WSCD2: variants seen among roughly 807,000 people sequenced by gnomAD.
WSCD2 encodes the protein sialate:O-sulfotransferase 2.
In WSCD2, 28 loss-of-function variants were observed where a neutral mutation model predicts 55.7. That is an observed-to-expected ratio of 0.50 (90% CI 0.37 to 0.69). The LOEUF is 0.69. Among genes scored for constraint, WSCD2 ranks in the 30% least tolerant of loss-of-function variants. WSCD2 has a pLI of 0.00. For synonymous variants in WSCD2, 301 were observed against 301.9 expected (o/e 1.00, Z 0.03); for missense variants, 616 against 762.1 (o/e 0.81, Z 2.26).
At chr12:108,198,772 G>A (rs1425417280) in intron 2 of WSCD2, among the ~76,000 whole-genome samples, 1 of 152,150 alleles carries the variant, frequency 6.6e-6, no homozygotes, top group East Asian at 1.9e-4. Context: ...TCTAGTGAAT[G>A]ATCATTACAG....
At chr12:108,135,666 T>C (rs1452215354) in intron 1 of WSCD2, among the ~76,000 whole-genome samples, 1 of 152,228 alleles carries the variant, frequency 6.6e-6, no homozygotes, top group Non-Finnish European at 1.5e-5. Context: ...TTTAGGATAC[T>C]GGACTTTCAG....
At chr12:108,224,953 C>T in intron 5 of WSCD2, 93 bp downstream of exon 5, 2 of 1,527,900 alleles carry the variant, frequency 1.3e-6, no homozygotes, top group African/African-American at 1.4e-5. Flanking sequence ...AGCAACAGCT[C>T]AGTCGGGATA....
At chr12:108,144,010 C>T (rs533333683) in intron 1 of WSCD2, among the ~76,000 whole-genome samples, 1 of 152,242 alleles carries the variant, frequency 6.6e-6, no homozygotes, top group East Asian at 1.9e-4. Context: ...CCAGCCCCAG[C>T]CTATTGTTGC....
chr12:108,160,744 T>TACAGC (rs750931339), intron 1 of WSCD2, among the ~76,000 whole-genome samples: 2 of 152,180 alleles, frequency 1.3e-5, no homozygotes, highest in Non-Finnish European at 2.9e-5. Flanking sequence ...TGATAGATAA[T>TACAGC]ACAGCACAAT....
At chr12:108,179,427 A>ATGGGACATATGGACAG (rs1201652391) in intron 1 of WSCD2, among the ~76,000 whole-genome samples, 1 of 152,234 alleles carries the variant, frequency 6.6e-6, no homozygotes, top group Admixed American at 6.5e-5. Context: ...CAGATTCCAT[A>ATGGGACATATGGACAG]TGGGACATAA....
chr12:108,170,445 A>AATG (rs61364167), intron 1 of WSCD2, among the ~76,000 whole-genome samples: 3,055 of 152,054 alleles, frequency 0.02, 124 homozygotes, highest in African/African-American at 0.071. Context: ...TATTGACAAC[A>AATG]ATGATGATGA....
At chr12:108,207,331 G>A (rs1470647614) in intron 3 of WSCD2, among the ~76,000 whole-genome samples, 2 of 151,990 alleles carry the variant, frequency 1.3e-5, no homozygotes, top group African/African-American at 4.8e-5. Context: ...ATGGGCAAGT[G>A]GATGACCCCT....
At chr12:108,201,289 C>T (rs979011295) in intron 2 of WSCD2, among the ~76,000 whole-genome samples, 1 of 152,164 alleles carries the variant, frequency 6.6e-6, no homozygotes, top group African/African-American at 2.4e-5. Flanking sequence ...TGCTTGCAGC[C>T]ACATTACTCC....
Position 108,210,131 on chromosome 12 carries a change from T to A in WSCD2, c.508T>A (p.Tyr170Asn). 1 of 1,614,070 alleles carries A rather than the reference T, an allele frequency of 6.2e-7. No homozygotes were observed. The highest frequency in any genetic ancestry group is 1.1e-5 in the South Asian group (1 of 91,078). ...AGCAGCCTCCCCCAGGGGTTACCTGTATGGCGGGCTGGAGTTCGGCGCCGA... is the reference window on the plus strand; with the variant it reads ...AGCAGCCTCCCCCAGGGGTTACCTGAATGGCGGGCTGGAGTTCGGCGCCGA... ...QDNCAERGYL[Y>N]GGLEFGAECY... Residue 170 changes from tyrosine (Y) to asparagine (N), a missense_variant, in exon 4 of 9, where the codon TAT becomes AAT. Tyr to Asn is a moderately radical substitution (Grantham distance 143, BLOSUM62 -2). Transcript: ENST00000547525. This position sits in a 1 kb window ranked among gnomAD's most constrained non-coding sequence, Gnocchi z 4.3.
intron 1 of WSCD2, among the ~76,000 whole-genome samples, chr12:108,131,309 C>T (rs762435001): frequency 6.6e-5 from 10 of 152,192 alleles, no homozygotes; most frequent in Non-Finnish European, 1.2e-4. Flanking sequence ...CATGTATCCT[C>T]AGAGGTCCCA....
rs537810285 is a variant in WSCD2 at position 108,174,093 on chromosome 12, C to T, written c.-551-21189C>T. On this transcript the variant is annotated intron_variant, in intron 1 of 8. Transcript: ENST00000547525. ...ATCACTGTCCCCACTTGACAGATGA[C>T]AAAACCGAGGCCCAGTCACTTGCCC... is the stretch of plus-strand genomic sequence containing the variant. 7.2e-5 allele frequency among the ~76,000 whole-genome samples: 11 copies of T among 152,164 alleles called. No individual in the cohort carries two copies. In the East Asian group the frequency reaches 1.5e-3, roughly 21 times the overall value.
intron 1 of WSCD2, among the ~76,000 whole-genome samples, chr12:108,145,932 A>G (rs1002149412): frequency 5.3e-5 from 8 of 152,326 alleles, no homozygotes; most frequent in East Asian, 3.9e-4. Flanking sequence ...ACTACATTAT[A>G]GTGTTTAGGG....
chr12:108,201,194 A>G (rs1404921183), intron 2 of WSCD2, among the ~76,000 whole-genome samples: 1 of 152,188 alleles, frequency 6.6e-6, no homozygotes, highest in Non-Finnish European at 1.5e-5. Context: ...TGGCAGGGCC[A>G]TGCACTCTCA....
At chr12:108,228,183 G>A (rs1009172599) in intron 6 of WSCD2, among the ~76,000 whole-genome samples, 1 of 152,158 alleles carries the variant, frequency 6.6e-6, no homozygotes, top group Non-Finnish European at 1.5e-5. Flanking sequence ...CACTTGGATG[G>A]GGATTGGGGG....
rs1886037327 is a variant in WSCD2, at chr12:108,210,681, T to C, written c.682+376T>C. 6.6e-6 allele frequency among the ~76,000 whole-genome samples: 1 copy of C among 152,216 alleles called. No homozygotes were observed. Among genetic ancestry groups the C allele is most frequent in the South Asian group, 2.1e-4 (1 of 4,820 alleles). ...GGTAATGGCAATAGCAAACACTTTGTCCTTTTCTCCATGCCTCATATAGAA... is the reference window on the plus strand; with the variant it reads ...GGTAATGGCAATAGCAAACACTTTGCCCTTTTCTCCATGCCTCATATAGAA... On this transcript the variant is annotated intron_variant, in intron 4 of 8. Transcript: ENST00000547525. The surrounding 1 kb of genome is among the most constrained non-coding windows in gnomAD (Gnocchi z 4.3).
intron 1 of WSCD2, among the ~76,000 whole-genome samples, chr12:108,177,052 G>T (rs1396533123): frequency 1.3e-5 from 2 of 152,054 alleles, no homozygotes; most frequent in Admixed American, 6.5e-5. Context: ...TTATAAGCAC[G>T]AGTTCTGCAA....
chr12:108,173,810 C>CTCTCTGTGTGTGTGTG (rs376999073), intron 1 of WSCD2, among the ~76,000 whole-genome samples: 140 of 131,234 alleles, frequency 1.1e-3, no homozygotes, highest in African/African-American at 3.3e-3. Context: ...TCCTGGCTCT[C>CTCTCTGTGTGTGTGTG]TGTGTGTGTG....
chr12:108,214,309 G>A (rs1886577408), intron 4 of WSCD2, among the ~76,000 whole-genome samples: 2 of 152,224 alleles, frequency 1.3e-5, no homozygotes, highest in South Asian at 4.1e-4. Flanking sequence ...CAGGATGCCA[G>A]CCTACGTGTT....
chr12:108,171,528 A>T (rs927040867), intron 1 of WSCD2: 2 of 152,262 alleles, frequency 1.3e-5, no homozygotes, highest in Non-Finnish European at 2.9e-5. Context: ...AATGCTTCAC[A>T]CTTATGTTGA....
Sources: allele counts gnomAD v4.1 joint callset (sites outside exome capture counted in the v4.1 genomes callset), GRCh38; gene constraint gnomAD v4.1.1; non-coding constraint Gnocchi (gnomAD v3.1); transcripts MANE v1.5; gene names NCBI Gene and HGNC (gene_info 2026-07-23, HGNC 2026-07-21).